SLIT3: variants seen among roughly 807,000 people sequenced by gnomAD.
SLIT3 encodes slit homolog 3 protein.
A neutral mutation model predicts 184.0 loss-of-function variants in SLIT3; 68 were observed. The observed-to-expected ratio is 0.37, with a 90% confidence interval of 0.30 to 0.45. SLIT3 has a LOEUF of 0.45. Ranked by LOEUF, SLIT3 falls within the 20% of genes least tolerant of loss-of-function variation. The pLI, the probability that SLIT3 is intolerant of heterozygous loss-of-function variation, is 1.00. For missense variants in SLIT3, 1,707 were observed against 2,026.0 expected, an observed-to-expected ratio of 0.84 and a Z score of 3.02; for synonymous variants, 831 against 828.6, an observed-to-expected ratio of 1.00 and a Z score of -0.05.
Position 168,671,405 on chromosome 5 carries a change from T to C in SLIT3, c.3920A>G (p.His1307Arg), listed in dbSNP as rs1315507501. 7 of 1,613,920 alleles carry C rather than the reference T, an allele frequency of 4.3e-6. No individual in the cohort carries two copies. The highest frequency in any genetic ancestry group is 3.3e-5 in the Admixed American group (2 of 60,008). Residue 1307 changes from histidine (H) to arginine (R), a missense_variant, in exon 34 of 36, where the codon CAT becomes CGT. By Grantham distance (29) the His-to-Arg change is conservative. Around this residue, in one of 3 missense-constraint regions of SLIT3, gnomAD observed 387 missense variants for 477.9 expected, o/e 0.81. Coordinates refer to ENST00000519560, the MANE Select transcript of SLIT3 (RefSeq NM_003062.4). ...CAGCTCGTTGTTGATGCGCACCTCA[T>C]GGATGCATCCGTGGAAGCCGCCTAG... The part of the protein sequence containing the change: ...RPLGGFHGCI[H>R]EVRINNELQD...
chr5:168,704,058 C>G (rs1209032448), intron 26 of SLIT3, among the ~76,000 whole-genome samples: 4 of 151,342 alleles, frequency 2.6e-5, no homozygotes, highest in South Asian at 4.2e-4. Flanking sequence ...AAAGCGTGCT[C>G]CTTGGACTAG....
intron 4 of SLIT3, among the ~76,000 whole-genome samples, chr5:168,953,858 A>G (rs1020840184): frequency 6.6e-6 from 1 of 152,246 alleles, no homozygotes; most frequent in Admixed American, 6.5e-5. Flanking sequence ...GCTCTCATAC[A>G]TAAATATTTA....
chr5:169,083,532 A>G (rs1027610297), intron 4 of SLIT3, among the ~76,000 whole-genome samples: 1 of 152,232 alleles, frequency 6.6e-6, no homozygotes, highest in Non-Finnish European at 1.5e-5. Flanking sequence ...GAGGTTGCAC[A>G]TTGGCAAACA....
At chr5:169,155,765 A>G (rs899247910) in intron 4 of SLIT3, among the ~76,000 whole-genome samples, 1 of 152,222 alleles carries the variant, frequency 6.6e-6, no homozygotes, top group African/African-American at 2.4e-5. Context: ...AATTGGCTTT[A>G]TCTTTTCTAA....
intron 3 of SLIT3, among the ~76,000 whole-genome samples, chr5:169,207,398 C>T (rs1203074764): frequency 1.3e-5 from 2 of 150,466 alleles, no homozygotes; most frequent in Admixed American, 1.3e-4. Context: ...CACACACACA[C>T]ACACACACAC....
At chr5:169,125,307 A>G (rs1761042564) in intron 4 of SLIT3, among the ~76,000 whole-genome samples, 1 of 152,152 alleles carries the variant, frequency 6.6e-6, no homozygotes, top group African/African-American at 2.4e-5. Context: ...TGGCCTCCCA[A>G]AGTGCTTGGG....
intron 4 of SLIT3, among the ~76,000 whole-genome samples, chr5:169,007,082 T>A (rs1483230734): frequency 1.3e-5 from 2 of 152,144 alleles, no homozygotes; most frequent in Non-Finnish European, 2.9e-5. Flanking sequence ...GCTGTTCTCG[T>A]GATAGTGAGT....
intron 26 of SLIT3, among the ~76,000 whole-genome samples, chr5:168,702,866 C>T (rs1762258548): frequency 6.6e-6 from 1 of 152,136 alleles, no homozygotes. Context: ...TTGAGAAGGT[C>T]AAGGCAAGAC....
At chr5:169,180,679 C>G (rs915300230) in intron 4 of SLIT3, among the ~76,000 whole-genome samples, 2 of 152,188 alleles carry the variant, frequency 1.3e-5, no homozygotes, top group African/African-American at 4.8e-5. Flanking sequence ...ACAGAATATT[C>G]CCTGAGCAAC....
At chr5:169,282,644 T>G (rs531873284) in intron 1 of SLIT3, among the ~76,000 whole-genome samples, 1 of 152,134 alleles carries the variant, frequency 6.6e-6, no homozygotes, top group Non-Finnish European at 1.5e-5. Flanking sequence ...TGAGGTTATA[T>G]TGCATCGTGG....
chr5:169,225,356 G>A (rs898495654), intron 3 of SLIT3, among the ~76,000 whole-genome samples: 1 of 152,244 alleles, frequency 6.6e-6, no homozygotes, highest in Admixed American at 6.5e-5. Context: ...AAGGACAATG[G>A]CAGGGGCAAC....
At chr5:169,215,782 G>A (rs989709588) in intron 3 of SLIT3, among the ~76,000 whole-genome samples, 10 of 152,130 alleles carry the variant, frequency 6.6e-5, no homozygotes, top group Admixed American at 6.5e-4. Context: ...ACATTTCAAA[G>A]GCCAAGTGCT....
intron 35 of SLIT3, among the ~76,000 whole-genome samples, chr5:168,668,324 G>GGGCCCCACCCA (rs1044429442): frequency 2.0e-5 from 3 of 152,172 alleles, no homozygotes; most frequent in Admixed American, 1.3e-4. Context: ...AAAAGGGCTG[G>GGGCCCCACCCA]GGTGGGGCCT....
At chr5:168,724,325 G>T in intron 21 of SLIT3, 91 bp downstream of exon 21, 1 of 985,284 alleles carries the variant, frequency 1.0e-6, no homozygotes, top group Non-Finnish European at 1.5e-6. Context: ...GCATCAGCCT[G>T]CAGCTCTGTT....
At chr5:169,221,129 T>C (rs1764607523) in intron 3 of SLIT3, among the ~76,000 whole-genome samples, 1 of 152,242 alleles carries the variant, frequency 6.6e-6, no homozygotes, top group Non-Finnish European at 1.5e-5. Flanking sequence ...ACCCATTTTC[T>C]CTATCAGGCA....
chr5:169,058,767 A>C (rs79537138), intron 4 of SLIT3, among the ~76,000 whole-genome samples: 40,158 of 152,124 alleles, frequency 0.26, 5,683 homozygotes, highest in African/African-American at 0.34. Flanking sequence ...CTTGGTAAGT[A>C]AGTCCTCTAC....
chr5:168,728,281 T>TAC (rs955489867), intron 20 of SLIT3, among the ~76,000 whole-genome samples: 4 of 147,378 alleles, frequency 2.7e-5, no homozygotes, highest in Non-Finnish European at 6.0e-5. Context: ...CAACAACATA[T>TAC]ATATATATAT....
At chr5:169,001,994 G>A (rs1323119280) in intron 4 of SLIT3, among the ~76,000 whole-genome samples, 1 of 151,920 alleles carries the variant, frequency 6.6e-6, no homozygotes, top group African/African-American at 2.4e-5. Flanking sequence ...GGAATAGGGA[G>A]CATGGGGGTA....
At chr5:169,222,646 G>C (rs1050004341) in intron 3 of SLIT3, among the ~76,000 whole-genome samples, 2 of 152,190 alleles carry the variant, frequency 1.3e-5, no homozygotes, top group Admixed American at 1.3e-4. Context: ...TAAGAAAACT[G>C]ACAAGCTATG....
Sources: allele counts gnomAD v4.1 joint callset (sites outside exome capture counted in the v4.1 genomes callset), GRCh38; gene constraint gnomAD v4.1.1; regional missense constraint gnomAD v4.1.1; transcripts MANE v1.5; gene names NCBI Gene and HGNC (gene_info 2026-07-23, HGNC 2026-07-21).